Variants in PRDM6 observed in about 807,000 individuals in gnomAD.
PRDM6 encodes putative histone-lysine N-methyltransferase PRDM6.
A neutral mutation model predicts 60.8 loss-of-function variants in PRDM6; 25 were observed. The ratio of observed to expected loss-of-function variants is 0.41; its 90% confidence interval spans 0.30 to 0.57. PRDM6 has a LOEUF of 0.57. PRDM6 is among the 20% of genes least tolerant of loss of function. The probability of loss-of-function intolerance (pLI) is 0.27; values close to 1 mark genes in which losing one functional copy is unlikely to be tolerated. For synonymous variants in PRDM6, 407 were observed against 357.4 expected, an observed-to-expected ratio of 1.14 and a Z score of -1.57; for missense variants, 839 against 821.3, an observed-to-expected ratio of 1.02 and a Z score of -0.26.
chr5:123,089,948 G>A lies in PRDM6; in HGVS notation c.-15-52G>A, dbSNP rs191211229. 9.1e-4 allele frequency: 1,243 copies of A among 1,369,236 alleles called. 7 individuals carry two copies. The African/African-American group carries it at 0.016, about 17-fold the overall frequency. The allele number at this position is 1,369,236 out of a possible 1,614,324, so 84.8% of individuals were successfully genotyped here. On this transcript the variant is annotated intron_variant, in intron 1 of 7. Coordinates refer to ENST00000407847, the MANE Select transcript of PRDM6 (RefSeq NM_001136239.4). ...CCAGGGTCCCAGTGGCCCTCTTCCC[G>A]GCCCCTTTCGCCCAGCTCACGCGCC...
chr5:123,150,054 A>G lies in PRDM6; in HGVS notation c.901-5830A>G, dbSNP rs547529784. On this transcript the variant is annotated intron_variant, in intron 3 of 7. Transcript: ENST00000407847. ...ATGTCTAGACTGACGTTTCTCATCT[A>G]ATAATAGTGTTGGTCTAAGGCTGGC... Among the ~76,000 whole-genome samples the G allele has an allele frequency of 1.6e-3, 238 of 152,292 alleles. 2 individuals carry two copies. The highest frequency in any genetic ancestry group is 3.0e-3 in the Non-Finnish European group (204 of 68,006).
chr5:123,093,720 G>A (rs1285163126), intron 2 of PRDM6, among the ~76,000 whole-genome samples: 1 of 152,154 alleles, frequency 6.6e-6, no homozygotes, highest in African/African-American at 2.4e-5. Context: ...AGGCTCCATC[G>A]GAGTGGCCTC....
At chr5:123,172,909 G>T (rs1765925707) in intron 6 of PRDM6, among the ~76,000 whole-genome samples, 1 of 152,074 alleles carries the variant, frequency 6.6e-6, no homozygotes, top group Non-Finnish European at 1.5e-5. Context: ...CATATGTGTG[G>T]GGCCGGGCGC....
intron 3 of PRDM6, among the ~76,000 whole-genome samples, chr5:123,127,108 G>T (rs560972984): frequency 8.6e-5 from 13 of 150,928 alleles, no homozygotes; most frequent in African/African-American, 3.2e-4. Context: ...TGTGATCTTT[G>T]CTCTCTGCAA....
chr5:123,123,999 C>T (rs1764640278), intron 3 of PRDM6, among the ~76,000 whole-genome samples: 1 of 152,150 alleles, frequency 6.6e-6, no homozygotes. Context: ...AAACGATACT[C>T]ATTAGAGTGA....
At chr5:123,185,327 T>C (rs1206369190) in intron 7 of PRDM6, among the ~76,000 whole-genome samples, 1 of 152,100 alleles carries the variant, frequency 6.6e-6, no homozygotes, top group East Asian at 1.9e-4. Flanking sequence ...AAAAAAGGAA[T>C]ATAATAATTT....
chr5:123,112,809 T>G (rs1309839761), intron 3 of PRDM6, among the ~76,000 whole-genome samples: 14 of 116,240 alleles, frequency 1.2e-4, no homozygotes, highest in Non-Finnish European at 2.5e-4. Context: ...TTTTTTTTTT[T>G]GCTATGCTGT....
At chr5:123,131,123 C>A (rs1325954323) in intron 3 of PRDM6, among the ~76,000 whole-genome samples, 1 of 151,364 alleles carries the variant, frequency 6.6e-6, no homozygotes, top group African/African-American at 2.4e-5. Flanking sequence ...TATGTGGGAG[C>A]TAAAAAATTG....
chr5:123,099,950 C>T lies in PRDM6; in HGVS notation c.889C>T (p.His297Tyr). Residue 297 changes from histidine (H) to tyrosine (Y), a missense_variant, in exon 3 of 8, where the codon CAT becomes TAT. By Grantham distance (83) the His-to-Tyr change is moderately conservative. Transcript: ENST00000407847. The surrounding 1 kb of genome is among the most constrained non-coding windows in gnomAD (Gnocchi z 4.0). ...VQAGAVRNTQHLWEIYDQDGT... is the reference protein window; with the variant it reads ...VQAGAVRNTQYLWEIYDQDGT... ...GGCAGGCGCCGTGAGGAACACGCAG[C>T]ATCTCTGGGAGGTAAGTGGCCGGCT... 2.0e-6 allele frequency: 3 copies of T among 1,522,300 alleles called. No homozygotes were observed. The highest frequency in any genetic ancestry group is 2.7e-6 in the Non-Finnish European group (3 of 1,128,772). The allele number at this position is 1,522,300 out of a possible 1,614,324, so 94.3% of individuals were successfully genotyped here. A position where few individuals can be genotyped will look rare whatever the true frequency, so the allele number is the denominator to read the frequency against.
intron 7 of PRDM6, among the ~76,000 whole-genome samples, chr5:123,184,534 TC>T (rs1466884306): frequency 6.6e-6 from 1 of 152,104 alleles, no homozygotes; most frequent in African/African-American, 2.4e-5. Flanking sequence ...CATCTTTTCT[TC>T]CTTCTTACTC....
chr5:123,100,458 A>C (rs1764076260), intron 3 of PRDM6, among the ~76,000 whole-genome samples: 1 of 152,194 alleles, frequency 6.6e-6, no homozygotes, highest in Non-Finnish European at 1.5e-5. Flanking sequence ...CCCTTTTCTC[A>C]GATAAAAACA....
chr5:123,100,014 A>AG, intron 3 of PRDM6, 53 bp downstream of exon 3: 1 of 1,440,570 alleles, frequency 6.9e-7, no homozygotes, highest in Non-Finnish European at 9.2e-7. Context: ...CTTGGCCAGC[A>AG]GGGAGCCTTG....
intron 3 of PRDM6, among the ~76,000 whole-genome samples, chr5:123,151,152 C>T (rs1394398576): frequency 1.3e-5 from 2 of 152,064 alleles, no homozygotes; most frequent in Non-Finnish European, 2.9e-5. Flanking sequence ...AGCTGCTTGG[C>T]GAAAACTGGA....
intron 2 of PRDM6, among the ~76,000 whole-genome samples, chr5:123,095,653 C>T (rs1763940386): frequency 6.6e-6 from 1 of 152,238 alleles, no homozygotes; most frequent in Non-Finnish European, 1.5e-5. Flanking sequence ...GGATTTACAG[C>T]CGGGGTGGAT....
At chr5:123,127,758 CCTTTCTTT>C (rs767465284) in intron 3 of PRDM6, among the ~76,000 whole-genome samples, 7 of 145,486 alleles carry the variant, frequency 4.8e-5, no homozygotes, top group Admixed American at 1.4e-4. Context: ...TCCTTTCTTT[CCTTTCTTT>C]CTTTCTTTCT....
intron 5 of PRDM6, among the ~76,000 whole-genome samples, chr5:123,164,290 C>T (rs1765705066): frequency 6.6e-6 from 1 of 152,144 alleles, no homozygotes; most frequent in Non-Finnish European, 1.5e-5. Flanking sequence ...GGTTCCAGGC[C>T]TCTTGTGTAC....
At chr5:123,119,604 C>T (rs998819783) in intron 3 of PRDM6, among the ~76,000 whole-genome samples, 2 of 152,150 alleles carry the variant, frequency 1.3e-5, no homozygotes, top group African/African-American at 4.8e-5. Context: ...AGATTAGAGC[C>T]CAGGGTCGGG....
chr5:123,136,571 T>C (rs183172512), intron 3 of PRDM6, among the ~76,000 whole-genome samples: 1 of 152,326 alleles, frequency 6.6e-6, no homozygotes, highest in African/African-American at 2.4e-5. Flanking sequence ...CACATTTGAC[T>C]CTATTTTGGA....
chr5:123,193,898 C>T lies in PRDM6; in HGVS notation c.*6697C>T, dbSNP rs949835238. ...CCAAATAAAATGGTTAGAGTGAATG[C>T]CCAGTTTCACATCTGCCTTTTGGAG... is the stretch of plus-strand genomic sequence containing the variant. On this transcript the variant is annotated 3_prime_UTR_variant, in exon 8 of 8. Coordinates refer to ENST00000407847, the MANE Select transcript of PRDM6 (RefSeq NM_001136239.4). 7.2e-5 allele frequency: 11 copies of T among 152,088 alleles called. No individual in the cohort carries two copies. The highest frequency in any genetic ancestry group is 5.2e-4 in the Admixed American group (8 of 15,264). 9.4% of individuals were successfully genotyped at this position (152,088 alleles called of 1,614,324 possible).
Sources: gnomAD v4.1 joint callset for allele counts (sites outside exome capture counted in the v4.1 genomes callset) on GRCh38, gnomAD v4.1.1 for gene constraint, Gnocchi (gnomAD v3.1) non-coding constraint, MANE v1.5 for transcripts, NCBI Gene and HGNC (gene_info 2026-07-23, HGNC 2026-07-21) for gene names.